The following UQCC1 variants were observed in gnomAD, a reference collection of about 807,000 sequenced individuals.
The protein encoded by UQCC1 is ubiquinol-cytochrome c reductase complex assembly factor 1, also known as bFGF-repressed Zic-binding protein.
In UQCC1, 38 loss-of-function variants were observed where a neutral mutation model predicts 48.0. That is an observed-to-expected ratio of 0.79 (90% CI 0.61 to 1.04). The LOEUF (loss-of-function observed/expected upper bound fraction) is 1.04. Among genes scored for constraint, UQCC1 ranks in the 50% least tolerant of loss-of-function variants. The pLI, the probability that UQCC1 is intolerant of heterozygous loss-of-function variation, is 0.00. For missense variants in UQCC1, 368 were observed against 381.8 expected (o/e 0.96, Z 0.30); for synonymous variants, 111 against 129.2 (o/e 0.86, Z 0.95).
At chr20:35,384,002 C>T (rs1568697963) in intron 3 of UQCC1, 36 bp downstream of exon 3, 1 of 1,574,834 alleles carries the variant, frequency 6.3e-7, no homozygotes, top group African/African-American at 1.3e-5. Flanking sequence ...TGTGTGAAAG[C>T]ACTCTATAAA....
chr20:35,350,251 C>G (rs1411192377), intron 6 of UQCC1, among the ~76,000 whole-genome samples: 1 of 152,118 alleles, frequency 6.6e-6, no homozygotes, highest in African/African-American at 2.4e-5. Context: ...CCTCGGCCTC[C>G]CAAAGCCCTG....
intron 6 of UQCC1, among the ~76,000 whole-genome samples, chr20:35,366,113 A>G (rs73109508): frequency 1.3e-5 from 2 of 152,364 alleles, no homozygotes; most frequent in Non-Finnish European, 2.9e-5. Flanking sequence ...GCATGAAGCT[A>G]ACTTGTATGC....
intron 7 of UQCC1, chr20:35,346,700 C>A (rs1013679143): frequency 1.6e-5 from 4 of 242,544 alleles, no homozygotes; most frequent in Non-Finnish European, 2.4e-5. Flanking sequence ...AGGTATCTTA[C>A]CAGACTCTTC....
intron 1 of UQCC1, among the ~76,000 whole-genome samples, chr20:35,408,031 A>G (rs2062278750): frequency 6.6e-6 from 1 of 151,986 alleles, no homozygotes; most frequent in Non-Finnish European, 1.5e-5. Flanking sequence ...TCAAAAAGAA[A>G]AAAGACATGA....
intron 8 of UQCC1, 41 bp from the exon 9 acceptor site, chr20:35,306,820 C>A: frequency 6.7e-7 from 1 of 1,490,584 alleles, no homozygotes; most frequent in Non-Finnish European, 9.4e-7. Context: ...GAGGGATCCA[C>A]AGAGCCAGGA....
intron 1 of UQCC1, among the ~76,000 whole-genome samples, chr20:35,403,245 A>G (rs1047387546): frequency 2.6e-5 from 4 of 152,196 alleles, no homozygotes; most frequent in African/African-American, 9.7e-5. Context: ...TGGCAAGGCA[A>G]AAGAGTAGAA....
chr20:35,363,028 T>TAAA (rs60988214), intron 6 of UQCC1, among the ~76,000 whole-genome samples: 1,390 of 80,602 alleles, frequency 0.017, 22 homozygotes, highest in African/African-American at 0.056. Context: ...TCCTTAAAAC[T>TAAA]AAAAAAAAAA....
chr20:35,397,286 C>T (rs1051764169), intron 1 of UQCC1, among the ~76,000 whole-genome samples: 9 of 151,612 alleles, frequency 5.9e-5, no homozygotes, highest in African/African-American at 2.2e-4. Context: ...GAGGCCGAGG[C>T]TGGCGGATCA....
chr20:35,333,538 A>T (rs544303443), intron 7 of UQCC1, among the ~76,000 whole-genome samples: 80 of 152,300 alleles, frequency 5.3e-4, no homozygotes, highest in African/African-American at 1.6e-3. Flanking sequence ...CAGGACAAAG[A>T]AAGTTCTTAA....
intron 7 of UQCC1, among the ~76,000 whole-genome samples, chr20:35,324,602 A>C (rs1268536444): frequency 6.6e-6 from 1 of 152,264 alleles, no homozygotes; most frequent in Non-Finnish European, 1.5e-5. Flanking sequence ...CTGGGATTAC[A>C]GGCGTGAGCC....
intron 2 of UQCC1, among the ~76,000 whole-genome samples, chr20:35,387,773 T>C (rs1275862855): frequency 6.6e-6 from 1 of 150,972 alleles, no homozygotes; most frequent in Non-Finnish European, 1.5e-5. Flanking sequence ...GAGGTTGCAA[T>C]TTGGTAAAGG....
rs398040678 is a variant in UQCC1 at position 35,398,762 on chromosome 20, G to C, written c.25-4566C>G. On this transcript the variant is annotated intron_variant, in intron 1 of 9. Transcript: ENST00000374385. Reference sequence around the variant, plus strand: ...GATTCAGGGCCAAAGGTGGGGGGGGGGGGGGGGCGGTGCAGGGGGAGCAAG... The same window carrying C: ...GATTCAGGGCCAAAGGTGGGGGGGGCGGGGGGGCGGTGCAGGGGGAGCAAG... 6.0e-4 allele frequency among the ~76,000 whole-genome samples: 88 copies of C among 146,376 alleles called. 2 individuals are homozygous for C. Among genetic ancestry groups the C allele is most frequent in the South Asian group, 7.0e-4 (3 of 4,256 alleles).
At chr20:35,393,317 C>T (rs569865289) in intron 2 of UQCC1, among the ~76,000 whole-genome samples, 18 of 151,992 alleles carry the variant, frequency 1.2e-4, no homozygotes, top group African/African-American at 4.1e-4. Context: ...ATATCAAAGG[C>T]TAAGTAAATA....
intron 7 of UQCC1, among the ~76,000 whole-genome samples, chr20:35,341,951 T>C (rs2061383853): frequency 1.3e-5 from 2 of 152,112 alleles, no homozygotes; most frequent in South Asian, 4.2e-4. Flanking sequence ...GGAAATGAGT[T>C]TGGAGAGGTG....
At chr20:35,354,026 C>T (rs2061518974) in intron 6 of UQCC1, among the ~76,000 whole-genome samples, 1 of 151,952 alleles carries the variant, frequency 6.6e-6, no homozygotes, top group South Asian at 2.1e-4. Flanking sequence ...TTACAGTATT[C>T]AGAACAGTAA....
intron 7 of UQCC1, among the ~76,000 whole-genome samples, chr20:35,323,107 A>G (rs2061150353): frequency 6.6e-6 from 1 of 152,172 alleles, no homozygotes; most frequent in South Asian, 2.1e-4. Context: ...TCAGCCTCCC[A>G]AAGTGCTGGG....
intron 2 of UQCC1, among the ~76,000 whole-genome samples, chr20:35,393,503 A>AAC (rs3055772): frequency 0.065 from 9,585 of 146,804 alleles, 688 homozygotes; most frequent in African/African-American, 0.19. Context: ...AACACACACA[A>AAC]ACACACACAC....
At chr20:35,388,384 C>A (rs369227816) in intron 2 of UQCC1, among the ~76,000 whole-genome samples, 1 of 143,464 alleles carries the variant, frequency 7.0e-6, no homozygotes, top group African/African-American at 2.6e-5. Context: ...TTGACCCCCC[C>A]AGACTCAAGG....
At chr20:35,404,186 G>A (rs549930443) in intron 1 of UQCC1, among the ~76,000 whole-genome samples, 10 of 152,198 alleles carry the variant, frequency 6.6e-5, no homozygotes, top group Admixed American at 2.6e-4. Context: ...TCGAGACCAC[G>A]GTGAAATGCC....
Sources: gnomAD v4.1 joint callset for allele counts (sites outside exome capture counted in the v4.1 genomes callset) on GRCh38, gnomAD v4.1.1 for gene constraint, MANE v1.5 for transcripts, NCBI Gene and HGNC (gene_info 2026-07-23, HGNC 2026-07-21) for gene names.